The following MYOM3 variants were observed in gnomAD, a reference collection of about 807,000 sequenced individuals.
MYOM3 encodes myomesin 3.
MYOM3 carries 155 observed loss-of-function variants against 191.7 expected under a neutral mutation model. The observed-to-expected ratio is 0.81, with a 90% CI of 0.71 to 0.92. The LOEUF (loss-of-function observed/expected upper bound fraction) is 0.92, where lower values mean the gene tolerates loss of function less well. MYOM3 is among the 40% of genes least tolerant of loss of function. MYOM3 has a pLI of 0.00. For missense variants in MYOM3, 1,889 were observed against 1,890.6 expected, an observed-to-expected ratio of 1.00 and a Z score of 0.02; for synonymous variants, 757 against 762.9, an observed-to-expected ratio of 0.99 and a Z score of 0.13.
intron 10 of MYOM3, 125 bp downstream of exon 10, chr1:24,092,822 T>G: frequency 2.0e-6 from 2 of 1,007,560 alleles, no homozygotes; most frequent in Non-Finnish European, 2.7e-6. Flanking sequence ...AAAGCCCTGA[T>G]TTTATGGTAG....
chr1:24,100,887 A>C (rs1314090314), intron 5 of MYOM3, among the ~76,000 whole-genome samples: 1 of 131,024 alleles, frequency 7.6e-6, no homozygotes, highest in Non-Finnish European at 1.7e-5. Flanking sequence ...ACTCCGTCTC[A>C]AAAAAAAAAA....
chr1:24,094,168 CTT>C (rs746164315), intron 9 of MYOM3, among the ~76,000 whole-genome samples: 45,770 of 125,192 alleles, frequency 0.37, 7,966 homozygotes, highest in Non-Finnish European at 0.41. Context: ...CCCTCACTCA[CTT>C]TTTTTTTTTT....
intron 8 of MYOM3, among the ~76,000 whole-genome samples, chr1:24,095,192 T>C (rs886854233): frequency 2.0e-5 from 3 of 152,170 alleles, no homozygotes; most frequent in Admixed American, 2.0e-4. Flanking sequence ...CAAGGCCAAG[T>C]CCGTTGGTTT....
At position 24,094,914 on chromosome 1, in the gene MYOM3, G is replaced by A; in HGVS notation, c.867C>T (p.Ser289=). ...CATCTTCCGAAAACAAGCATGACAG[G>A]GAGAAGGGTTCCTTCTCACGAGCAA... is the stretch of plus-strand genomic sequence containing the variant. ...PVFAREKEPF[S]LSCLFSEDVL... is the part of the protein sequence containing the mutation. Residue 289 remains serine, a synonymous_variant, in exon 9 of 37, where the codon TCC becomes TCT. Transcript: ENST00000374434. 6.2e-7 allele frequency: 1 copy of A among 1,613,868 alleles called. No homozygotes were observed. Among genetic ancestry groups the A allele is most frequent in the Non-Finnish European group, 8.5e-7 (1 of 1,179,800 alleles).
At chr1:24,074,084 T>A in intron 23 of MYOM3, 76 bp downstream of exon 23, 2 of 1,216,808 alleles carry the variant, frequency 1.6e-6, no homozygotes, top group Admixed American at 4.0e-5. Flanking sequence ...TGGTTGCTTT[T>A]TGCTGACCTG....
At chr1:24,062,487 C>G (rs1453222189) in intron 32 of MYOM3, among the ~76,000 whole-genome samples, 3 of 152,146 alleles carry the variant, frequency 2.0e-5, no homozygotes, top group Non-Finnish European at 2.9e-5. Context: ...ATTAGTCAAG[C>G]CTTCTCCATA....
chr1:24,091,512 T>A (rs1302804440), intron 11 of MYOM3, among the ~76,000 whole-genome samples: 1 of 152,196 alleles, frequency 6.6e-6, no homozygotes. Context: ...TACCAGCTGG[T>A]TGAGGTAGTC....
Position 24,084,268 on chromosome 1 carries a change from G to A in MYOM3, c.1970+200C>T, listed in dbSNP as rs539220907. On this transcript the variant is annotated intron_variant, in intron 16 of 36. Coordinates refer to ENST00000374434, the MANE Select transcript of MYOM3 (RefSeq NM_152372.4). ...TGCTCTTTCTCCCTCTCCTGCTCCC[G>A]CCATGTAAGACATGCTTCCTTCCCC... 3.6e-4 allele frequency: 207 copies of A among 582,194 alleles called. No homozygotes were observed. In the African/African-American group the frequency reaches 3.6e-3, roughly 10 times the overall value. 36.1% of individuals were successfully genotyped at this position (582,194 alleles called of 1,614,324 possible).
chr1:24,092,822 T>C, intron 10 of MYOM3, 125 bp downstream of exon 10: 1 of 1,007,564 alleles, frequency 9.9e-7, no homozygotes, highest in South Asian at 2.0e-5. Flanking sequence ...AAAGCCCTGA[T>C]TTTATGGTAG....
rs1307506278 is a variant in MYOM3, at chr1:24,074,224, G to A, written c.2904C>T (p.Thr968=). The change falls in exon 23 of 37, where the codon ACC becomes ACT. Residue 968 remains threonine, a synonymous_variant. Transcript: ENST00000374434. Reference sequence around the variant, plus strand: ...CGGCATCAGTGACTATGACTGAGTAGGTGCCCAAATCCTCGAGGCCGGGTT... The same window carrying A: ...CGGCATCAGTGACTATGACTGAGTAAGTGCCCAAATCCTCGAGGCCGGGTT... ...LKEPGLEDLG[T]YSVIVTDADE... 1.2e-6 allele frequency: 2 copies of A among 1,614,012 alleles called. No individual in the cohort carries two copies. Among genetic ancestry groups the A allele is most frequent in the East Asian group, 4.5e-5 (2 of 44,896 alleles).
In MYOM3 at chr1:24,095,452, C is replaced by T. The variant is rs1029031072; in HGVS notation, c.780G>A (p.Glu260=). 2 of 1,612,894 alleles carry T rather than the reference C, an allele frequency of 1.2e-6. No homozygotes were observed. Among genetic ancestry groups the T allele is most frequent in the Non-Finnish European group, 1.7e-6 (2 of 1,179,448 alleles). The part of the protein sequence containing the change: ...YLGKDAGFDS[E]IFKRSTFGPS... ...CCCCAGCCGACTTACTTTTGAAGAT[C>T]TCTGAATCGAAGCCAGCATCCTTCC... The change falls in exon 8 of 37, where the codon GAG becomes GAA. Residue 260 remains glutamate (E), a synonymous_variant. Transcript: ENST00000374434.
Position 24,107,063 on chromosome 1 carries a change from A to AC in MYOM3, c.402+9dup, listed in dbSNP as rs1340018399. ...CCCAGGCCCTGGGGCTCCACGGCCCACCCCCTTACCCGCCGCCTCAGCGTC... is the reference window on the plus strand; with the variant it reads ...CCCAGGCCCTGGGGCTCCACGGCCCACCCCCCTTACCCGCCGCCTCAGCGTC... On this transcript the variant is annotated intron_variant, in intron 4 of 36. Coordinates refer to ENST00000374434, the MANE Select transcript of MYOM3 (RefSeq NM_152372.4). The AC allele has an allele frequency of 6.3e-7, 1 of 1,596,888 alleles. No individual in the cohort carries two copies. The highest frequency in any genetic ancestry group is 1.3e-5 in the African/African-American group (1 of 74,216).
Position 24,108,515 on chromosome 1 carries a change from C to T in MYOM3, c.122G>A (p.Arg41His), listed in dbSNP as rs187598283. The change falls in exon 2 of 37, where the codon CGC becomes CAC. Residue 41 changes from arginine (R) to histidine (H), a missense_variant. Coordinates refer to ENST00000374434, the MANE Select transcript of MYOM3 (RefSeq NM_152372.4). ...EQKEERQHSLRMGSSVRRRTF... is the reference protein window; with the variant it reads ...EQKEERQHSLHMGSSVRRRTF... The stretch of plus-strand genomic sequence containing the variant: ...CCGCCTCCGCACAGAGGAGCCCATG[C>T]GCAGGCTGTGCTGCCGCTCCTCCTT... 4.4e-6 allele frequency: 7 copies of T among 1,580,448 alleles called. No homozygotes were observed. Among genetic ancestry groups the T allele is most frequent in the African/African-American group, 4.0e-5 (3 of 74,416 alleles).
Position 24,106,157 on chromosome 1 carries a change from A to G in MYOM3, c.403-80T>C, listed in dbSNP as rs1378859586. ...TCTTTGCCATTACCTCCCCACTGAC[A>G]CCCAGACTCTGTAGTTAGACCCACA... On this transcript the variant is annotated intron_variant, in intron 4 of 36. Transcript: ENST00000374434. 5 of 1,441,818 alleles carry G rather than the reference A, an allele frequency of 3.5e-6. No individual in the cohort carries two copies. In the Admixed American group the frequency reaches 1.1e-4, roughly 31 times the overall value. The allele number at this position is 1,441,818 out of a possible 1,614,324, so 89.3% of individuals were successfully genotyped here.
rs184214739 is a variant in MYOM3 at position 24,110,874 on chromosome 1, C to A, written c.-19+1157G>T. ...CACCCTAGGTGGAGCAAGGACCCCC[C>A]ACTCTGCCCCAGCTTTCCTGGGACA... On this transcript the variant is annotated intron_variant, in intron 1 of 36. Transcript: ENST00000374434. Among the ~76,000 whole-genome samples the A allele has an allele frequency of 8.7e-3, 1,319 of 152,322 alleles. 18 individuals are homozygous for A. The highest frequency in any genetic ancestry group is 0.029 in the African/African-American group (1,190 of 41,566).
At chr1:24,062,428 T>C (rs2148541399) in intron 32 of MYOM3, among the ~76,000 whole-genome samples, 1 of 152,338 alleles carries the variant, frequency 6.6e-6, no homozygotes, top group Non-Finnish European at 1.5e-5. Context: ...CCTATTGTCC[T>C]GAAATTCCAT....
intron 18 of MYOM3, 166 bp from the exon 19 acceptor site, chr1:24,081,622 G>T (rs1643670579): frequency 1.3e-6 from 1 of 771,594 alleles, no homozygotes; most frequent in South Asian, 1.9e-5. Context: ...GAGTGCAGTG[G>T]CATGAACATG....
intron 5 of MYOM3, among the ~76,000 whole-genome samples, chr1:24,105,206 C>A (rs748036313): frequency 6.6e-6 from 1 of 152,112 alleles, no homozygotes; most frequent in East Asian, 1.9e-4. Context: ...GCTGTTGTGG[C>A]GTTAAATTCT....
Position 24,108,593 on chromosome 1 carries a change from G to A in MYOM3, c.44C>T (p.Pro15Leu), listed in dbSNP as rs1480503590. The A allele has an allele frequency of 1.9e-6, 3 of 1,568,492 alleles. No individual in the cohort carries two copies. The highest frequency in any genetic ancestry group is 2.6e-6 in the Non-Finnish European group (3 of 1,158,898). ...HSLGGAGDPRPPQAMEVHRLE... is the reference protein window; with the variant it reads ...HSLGGAGDPRLPQAMEVHRLE... ...CCTGTGAACCTCCATGGCCTGGGGG[G>A]GCCGGGGGTCCCCCGCACCTCCCAA... The change falls in exon 2 of 37, where the codon CCC (proline) becomes CTC (leucine). Residue 15 changes from proline (P) to leucine (L), a missense_variant. Pro to Leu is a moderately conservative substitution (Grantham distance 98). Transcript: ENST00000374434.
Sources: gnomAD v4.1 joint callset for allele counts (sites outside exome capture counted in the v4.1 genomes callset) on GRCh38, gnomAD v4.1.1 for gene constraint, MANE v1.5 for transcripts, NCBI Gene and HGNC (gene_info 2026-07-23, HGNC 2026-07-21) for gene names.